The following ADAMTS3 variants were observed in gnomAD, a reference collection of about 807,000 sequenced individuals.
ADAMTS3 encodes A disintegrin and metalloproteinase with thrombospondin motifs 3.
ADAMTS3 carries 73 observed loss-of-function variants against 129.0 expected under a neutral mutation model. The observed-to-expected ratio is 0.57, with a 90% CI of 0.47 to 0.69. The LOEUF is 0.69. Among genes scored for constraint, ADAMTS3 ranks in the 30% least tolerant of loss-of-function variants. ADAMTS3 has a pLI of 0.00. For synonymous variants in ADAMTS3, 477 were observed against 510.8 expected, an observed-to-expected ratio of 0.93 and a Z score of 0.89; for missense variants, 1,457 against 1,514.5, an observed-to-expected ratio of 0.96 and a Z score of 0.63.
intron 19 of ADAMTS3, 151 bp downstream of exon 19, chr4:72,295,503 C>A: frequency 1.5e-6 from 1 of 686,486 alleles, no homozygotes; most frequent in Non-Finnish European, 2.2e-6. Context: ...CACAGAACTG[C>A]AGCTTTATAT....
intron 4 of ADAMTS3, among the ~76,000 whole-genome samples, chr4:72,402,161 C>T (rs1721941378): frequency 6.6e-6 from 1 of 152,112 alleles, no homozygotes; most frequent in South Asian, 2.1e-4. Context: ...CAGGAATGGC[C>T]TCCTTTCTCC....
At chr4:72,529,701 TA>T (rs1720913562) in intron 3 of ADAMTS3, among the ~76,000 whole-genome samples, 1 of 119,006 alleles carries the variant, frequency 8.4e-6, no homozygotes, top group African/African-American at 3.2e-5. Flanking sequence ...TAATATATAT[TA>T]ATATTAAATA....
chr4:72,281,028 T>A lies in ADAMTS3; in HGVS notation c.*2108A>T, dbSNP rs913348658. On this transcript the variant is annotated 3_prime_UTR_variant, in exon 22 of 22. Coordinates refer to ENST00000286657, the MANE Select transcript of ADAMTS3 (RefSeq NM_014243.3). Reference sequence around the variant, plus strand: ...TCAGTACAACAAACAGCATCAGTAGTGTACACTTTGATAAAAAGGAATTTT... The same window carrying A: ...TCAGTACAACAAACAGCATCAGTAGAGTACACTTTGATAAAAAGGAATTTT... 1 of 152,622 alleles carries A rather than the reference T, an allele frequency of 6.6e-6. No homozygotes were observed. The highest frequency in any genetic ancestry group is 1.5e-5 in the Non-Finnish European group (1 of 68,046). The allele number at this position is 152,622 out of a possible 1,614,324, so 9.5% of individuals were successfully genotyped here.
rs561523135 is a variant in ADAMTS3, at chr4:72,410,127, C to T, written c.661+4688G>A. Among the ~76,000 whole-genome samples, 3 of 152,266 alleles carry T rather than the reference C, an allele frequency of 2.0e-5. No individual in the cohort carries two copies. In the East Asian group the frequency reaches 5.8e-4, roughly 29 times the overall value. On this transcript the variant is annotated intron_variant, in intron 4 of 21. Transcript: ENST00000286657. ...TTGATTAGGGCATAGGTCATGAGAA[C>T]TTCCAAATACAGCAGGTTAGAGTAT...
chr4:72,314,638 A>G (rs1431139767), intron 11 of ADAMTS3, among the ~76,000 whole-genome samples: 2 of 152,198 alleles, frequency 1.3e-5, no homozygotes, highest in Non-Finnish European at 2.9e-5. Flanking sequence ...TTAAAAAGTT[A>G]ATTATATAAT....
intron 3 of ADAMTS3, among the ~76,000 whole-genome samples, chr4:72,499,440 T>C (rs1211198048): frequency 2.6e-5 from 4 of 152,098 alleles, no homozygotes; most frequent in African/African-American, 4.8e-5. Context: ...TACAAGTCAA[T>C]ATAAATTCCA....
chr4:72,435,404 T>C (rs1488382924), intron 3 of ADAMTS3, among the ~76,000 whole-genome samples: 1 of 151,844 alleles, frequency 6.6e-6, no homozygotes, highest in Admixed American at 6.6e-5. Flanking sequence ...TATTGAAATG[T>C]TAACCGATGT....
intron 4 of ADAMTS3, among the ~76,000 whole-genome samples, chr4:72,373,156 CAT>C (rs1335364709): frequency 2.0e-5 from 3 of 152,106 alleles, no homozygotes; most frequent in East Asian, 3.8e-4. Context: ...ATCTTTAAAA[CAT>C]AGCACAGGTT....
In ADAMTS3 at chr4:72,548,899, A is replaced by G; in HGVS notation, c.98-15T>C. On this transcript the variant is annotated splice_polypyrimidine_tract_variant and intron_variant, in intron 2 of 21. Transcript: ENST00000286657. Reference sequence around the variant, plus strand: ...TATTGGTAAATCTGTGGGGTGAAAAACAGAACTGTCAAACCCTGTACAATA... The same window carrying G: ...TATTGGTAAATCTGTGGGGTGAAAAGCAGAACTGTCAAACCCTGTACAATA... 2 of 1,595,674 alleles carry G rather than the reference A, an allele frequency of 1.3e-6. No homozygotes were observed. Among genetic ancestry groups the G allele is most frequent in the Non-Finnish European group, 1.7e-6 (2 of 1,171,812 alleles).
intron 3 of ADAMTS3, among the ~76,000 whole-genome samples, chr4:72,478,834 C>A (rs1316282475): frequency 3.9e-5 from 6 of 151,934 alleles, no homozygotes; most frequent in Non-Finnish European, 7.4e-5. Flanking sequence ...TGATAAGCAA[C>A]TTCAGCAAAG....
chr4:72,329,631 G>A (rs1190119413), intron 5 of ADAMTS3, among the ~76,000 whole-genome samples: 3 of 151,916 alleles, frequency 2.0e-5, no homozygotes, highest in Non-Finnish European at 4.4e-5. Flanking sequence ...GTTTTGTCAT[G>A]ATGGAAGCCC....
At chr4:72,315,721 ATTACT>A (rs1214100819) in intron 11 of ADAMTS3, 132 bp downstream of exon 11, 21 of 572,812 alleles carry the variant, frequency 3.7e-5, no homozygotes, top group South Asian at 1.9e-4. Flanking sequence ...ATTTTAGTAC[ATTACT>A]TTAATAAAGC....
intron 4 of ADAMTS3, among the ~76,000 whole-genome samples, chr4:72,351,006 T>G (rs990977044): frequency 1.3e-5 from 2 of 151,922 alleles, no homozygotes; most frequent in Non-Finnish European, 2.9e-5. Flanking sequence ...ACTCTGGGAA[T>G]TTGTTAGGCT....
rs934461873 is a variant in ADAMTS3, at chr4:72,352,419, T to C, written c.662-12726A>G. Among the ~76,000 whole-genome samples the C allele has an allele frequency of 5.3e-5, 8 of 152,114 alleles. No homozygotes were observed. The South Asian group carries it at 6.2e-4, about 12-fold the overall frequency. ...GGAAAACCTTCACATATAAAGATGTTAGAATTACTAGAAAAGGTTTATTAC... is the reference window on the plus strand; with the variant it reads ...GGAAAACCTTCACATATAAAGATGTCAGAATTACTAGAAAAGGTTTATTAC... On this transcript the variant is annotated intron_variant, in intron 4 of 21. Coordinates refer to ENST00000286657, the MANE Select transcript of ADAMTS3 (RefSeq NM_014243.3).
chr4:72,522,095 G>A (rs891945475), intron 3 of ADAMTS3, among the ~76,000 whole-genome samples: 3 of 152,080 alleles, frequency 2.0e-5, no homozygotes, highest in Non-Finnish European at 2.9e-5. Flanking sequence ...TAAATTGTTG[G>A]CACTGATACA....
chr4:72,562,877 C>T lies in ADAMTS3; in HGVS notation c.97+4497G>A, dbSNP rs1008051070. 2.6e-5 allele frequency among the ~76,000 whole-genome samples: 4 copies of T among 152,112 alleles called. No individual in the cohort carries two copies. The South Asian group carries it at 8.3e-4, about 32-fold the overall frequency. The stretch of plus-strand genomic sequence containing the variant: ...TTCTCAAAATTCTGATAATAGCAAT[C>T]CTTTTTAAAGAAGCATTAAAGTTCC... On this transcript the variant is annotated intron_variant, in intron 2 of 21. Transcript: ENST00000286657.
intron 2 of ADAMTS3, among the ~76,000 whole-genome samples, chr4:72,550,002 A>G (rs1721584244): frequency 4.5e-4 from 2 of 4,484 alleles, no homozygotes; most frequent in African/African-American, 2.4e-3. Flanking sequence ...GAGGAAGAGG[A>G]AGAAGAAGAA....
rs923421896 is a variant in ADAMTS3 at position 72,320,024 on chromosome 4, A to C, written c.1103-61T>G. On this transcript the variant is annotated intron_variant, in intron 7 of 21. Coordinates refer to ENST00000286657, the MANE Select transcript of ADAMTS3 (RefSeq NM_014243.3). ...ATGAGAAAACCCATTAAGAATTACA[A>C]CTGGACTTTTGCCTAGGGGGAAAAA... is the stretch of plus-strand genomic sequence containing the variant. 8 of 1,434,890 alleles carry C rather than the reference A, an allele frequency of 5.6e-6. No individual in the cohort carries two copies. The Admixed American group carries it at 7.1e-5, about 13-fold the overall frequency. 88.9% of individuals were successfully genotyped at this position (1,434,890 alleles called of 1,614,324 possible).
intron 3 of ADAMTS3, among the ~76,000 whole-genome samples, chr4:72,500,583 G>A (rs963995030): frequency 6.6e-6 from 1 of 152,084 alleles, no homozygotes; most frequent in Admixed American, 6.6e-5. Flanking sequence ...TCTGTTGATA[G>A]TTTATTTTGC....
Sources: gnomAD v4.1 joint callset for allele counts (sites outside exome capture counted in the v4.1 genomes callset) on GRCh38, gnomAD v4.1.1 for gene constraint, MANE v1.5 for transcripts, NCBI Gene and HGNC (gene_info 2026-07-23, HGNC 2026-07-21) for gene names.